The following BRD3 variants were observed in gnomAD, a reference collection of about 807,000 sequenced individuals.
The protein encoded by BRD3 is bromodomain-containing protein 3.
BRD3 carries 17 observed loss-of-function variants against 66.8 expected under a neutral mutation model. The ratio of observed to expected loss-of-function variants is 0.25; its 90% CI spans 0.17 to 0.38. The LOEUF (loss-of-function observed/expected upper bound fraction) is 0.38. BRD3 is among the 10% of genes least tolerant of loss of function. The pLI is 1.00. For missense variants in BRD3, 713 were observed against 956.1 expected (o/e 0.75, Z 3.35); for synonymous variants, 421 against 393.2 (o/e 1.07, Z -0.84).
In BRD3 at chr9:134,068,014, C is replaced by G. The variant is rs1830710088; in HGVS notation, c.-183G>C. 6.9e-6 allele frequency: 1 copy of G among 144,616 alleles called. No homozygotes were observed. Among genetic ancestry groups the G allele is most frequent in the Non-Finnish European group, 1.5e-5 (1 of 65,024 alleles). 9.0% of individuals were successfully genotyped at this position (144,616 alleles called of 1,614,324 possible). A position where few individuals can be genotyped will look rare whatever the true frequency, so the allele number is the denominator to read the frequency against. ...CCGGCTCCTCTTTGGCTCGCCGGCCCCGGCAGCATAATAGACGCGCCGGAG... is the reference window on the plus strand; with the variant it reads ...CCGGCTCCTCTTTGGCTCGCCGGCCGCGGCAGCATAATAGACGCGCCGGAG... On this transcript the variant is annotated 5_prime_UTR_variant, in exon 1 of 12. Transcript: ENST00000303407.
chr9:134,034,573 G>A lies in BRD3; in HGVS notation c.2065+128C>T, dbSNP rs534720611. The A allele has an allele frequency of 1.4e-4, 181 of 1,324,568 alleles. 1 individual carries two copies. In the African/African-American group the frequency reaches 2.0e-3, roughly 15 times the overall value. The allele number at this position is 1,324,568 out of a possible 1,614,324, so 82.1% of individuals were successfully genotyped here. A position where few individuals can be genotyped will look rare whatever the true frequency, so the allele number is the denominator to read the frequency against. ...GGAGGTTTCAGGAGCTCAAGAGCTC[G>A]TCTAAGAACATGGAGCTCATCAGGA... is the stretch of plus-strand genomic sequence containing the variant. On this transcript the variant is annotated intron_variant, in intron 11 of 11. Transcript: ENST00000303407.
chr9:134,060,878 G>A (rs1413009170), intron 1 of BRD3, among the ~76,000 whole-genome samples: 2 of 152,180 alleles, frequency 1.3e-5, no homozygotes, highest in Admixed American at 6.5e-5. Flanking sequence ...AAGGTCCCTG[G>A]ACTCTGCCTT....
chr9:134,036,629 G>A lies in BRD3; in HGVS notation c.1644-305C>T, dbSNP rs762725959. ...AATCCAAAAGAAGGCAAAAAAGGGG[G>A]AACAAAGGAACAGAAAACACAGAGG... On this transcript the variant is annotated intron_variant, in intron 9 of 11. Transcript: ENST00000303407. 19 of 1,423,378 alleles carry A rather than the reference G, an allele frequency of 1.3e-5. No homozygotes were observed. In the South Asian group the frequency reaches 1.6e-4, roughly 12 times the overall value. 88.2% of individuals were successfully genotyped at this position (1,423,378 alleles called of 1,614,324 possible). A position where few individuals can be genotyped will look rare whatever the true frequency, so the allele number is the denominator to read the frequency against.
chr9:134,033,357 AT>A lies in BRD3; in HGVS notation c.*232del. 2.2e-6 allele frequency: 1 copy of A among 450,176 alleles called. No individual in the cohort carries two copies. Among genetic ancestry groups the A allele is most frequent in the Non-Finnish European group, 3.9e-6 (1 of 255,328 alleles). 27.9% of individuals were successfully genotyped at this position (450,176 alleles called of 1,614,324 possible). Reference sequence around the variant, plus strand: ...GAAGTTGTCATCTCCAAGTGACTGAATTCAGTGATGAAGAAGAGACTTTCTG... The same window carrying A: ...GAAGTTGTCATCTCCAAGTGACTGAATCAGTGATGAAGAAGAGACTTTCTG... On this transcript the variant is annotated 3_prime_UTR_variant, in exon 12 of 12. Transcript: ENST00000303407. The surrounding 1 kb of genome is among the most constrained non-coding windows in gnomAD (Gnocchi z 5.1).
At chr9:134,049,415 G>A (rs1830244751) in intron 5 of BRD3, among the ~76,000 whole-genome samples, 1 of 152,218 alleles carries the variant, frequency 6.6e-6, no homozygotes, top group African/African-American at 2.4e-5. Flanking sequence ...CACAGTCACT[G>A]CCCAGCCAAG....
At chr9:134,064,012 G>C (rs1830595365) in intron 1 of BRD3, among the ~76,000 whole-genome samples, 1 of 152,216 alleles carries the variant, frequency 6.6e-6, no homozygotes, top group Non-Finnish European at 1.5e-5. Flanking sequence ...CCAACACCAG[G>C]CTCCGAAGGC....
intron 5 of BRD3, 152 bp downstream of exon 5, chr9:134,050,222 C>T (rs754662301): frequency 1.5e-4 from 106 of 699,162 alleles, no homozygotes; most frequent in Non-Finnish European, 2.4e-4. Flanking sequence ...GTGTCAGTAA[C>T]AACGGCCTGA....
intron 1 of BRD3, among the ~76,000 whole-genome samples, chr9:134,067,563 C>A (rs1830692102): frequency 6.8e-6 from 1 of 147,758 alleles, no homozygotes; most frequent in South Asian, 2.1e-4. Flanking sequence ...GGAAAAAAAT[C>A]CCTTCCGTGA....
At chr9:134,064,899 C>CA (rs1218784565) in intron 1 of BRD3, among the ~76,000 whole-genome samples, 3 of 152,244 alleles carry the variant, frequency 2.0e-5, no homozygotes, top group Non-Finnish European at 4.4e-5. Flanking sequence ...CCAACAAAAA[C>CA]ACAGGAGCAA....
chr9:134,051,438 C>A, intron 4 of BRD3, 124 bp downstream of exon 4: 1 of 1,047,064 alleles, frequency 9.6e-7, no homozygotes, highest in Non-Finnish European at 1.3e-6. Context: ...CAAGACCCGG[C>A]ACCCACGAGC....
At chr9:134,052,219 G>C in intron 3 of BRD3, 87 bp downstream of exon 3, 3 of 1,529,386 alleles carry the variant, frequency 2.0e-6, no homozygotes, top group Non-Finnish European at 2.6e-6. Context: ...GCCTGCCCAA[G>C]AGCTGCTGCA....
chr9:134,062,699 C>T (rs1448186750), intron 1 of BRD3, among the ~76,000 whole-genome samples: 3 of 152,180 alleles, frequency 2.0e-5, no homozygotes, highest in East Asian at 1.9e-4. Flanking sequence ...TGAGGAGGCC[C>T]GACCCTCCAC....
At chr9:134,063,551 G>A (rs763243164) in intron 1 of BRD3, among the ~76,000 whole-genome samples, 23 of 152,216 alleles carry the variant, frequency 1.5e-4, no homozygotes, top group Non-Finnish European at 2.5e-4. Context: ...CCACATGACA[G>A]GTTATAGCTA....
In BRD3 at chr9:134,033,802, T is replaced by C. The variant is rs945961929; in HGVS notation, c.2066-97A>G. On this transcript the variant is annotated intron_variant, in intron 11 of 11. Coordinates refer to ENST00000303407, the MANE Select transcript of BRD3 (RefSeq NM_007371.4). This position sits in a 1 kb window ranked among gnomAD's most constrained non-coding sequence, Gnocchi z 5.1. ...GCCAGCGTGACACCATCACACTGGG[T>C]GCCACGACCCACCCACTTCCTGACC... The C allele has an allele frequency of 6.5e-6, 4 of 616,416 alleles. No individual in the cohort carries two copies. Among genetic ancestry groups the C allele is most frequent in the Admixed American group, 2.6e-5 (1 of 38,550 alleles). 38.2% of individuals were successfully genotyped at this position (616,416 alleles called of 1,614,324 possible). A position where few individuals can be genotyped will look rare whatever the true frequency, so the allele number is the denominator to read the frequency against.
chr9:134,059,633 A>G (rs1830496858), intron 1 of BRD3, among the ~76,000 whole-genome samples: 1 of 152,216 alleles, frequency 6.6e-6, no homozygotes, highest in South Asian at 2.1e-4. Context: ...CCCACACCAC[A>G]GGGACCCTGG....
Position 134,040,208 on chromosome 9 carries a change from T to C in BRD3, c.1469A>G (p.Lys490Arg). ...CTCCTTCTCCTTCTTCTCCTTCTTC[T>C]TCTTTGGTTTGTTTACTGGGGCCTG... is the stretch of plus-strand genomic sequence containing the variant. Reference protein sequence around the residue: ...LSQAPVNKPKKKKEKKEKEKK... With the variant: ...LSQAPVNKPKRKKEKKEKEKK... Residue 490 changes from lysine to arginine, a missense_variant, in exon 9 of 12, where the codon AAG (lysine) becomes AGG (arginine). Lys to Arg is a conservative substitution (Grantham distance 26). Transcript: ENST00000303407. 6.3e-7 allele frequency: 1 copy of C among 1,584,382 alleles called. No homozygotes were observed. Among genetic ancestry groups the C allele is most frequent in the Non-Finnish European group, 8.6e-7 (1 of 1,165,494 alleles).
chr9:134,053,352 C>G lies in BRD3; in HGVS notation c.126G>C (p.Met42Ile). The G allele has an allele frequency of 5.0e-6, 8 of 1,613,034 alleles. No homozygotes were observed. The highest frequency in any genetic ancestry group is 6.8e-6 in the Non-Finnish European group (8 of 1,179,836). Residue 42 changes from methionine (M) to isoleucine (I), a missense_variant, in exon 2 of 12, where the codon ATG (methionine) becomes ATC (isoleucine). Met to Ile is a conservative substitution (Grantham distance 10, BLOSUM62 1). This residue lies in a region of BRD3 where 85 missense variants were observed against 152.4 expected (regional missense o/e 0.56). Coordinates refer to ENST00000303407, the MANE Select transcript of BRD3 (RefSeq NM_007371.4). ...AGAGCGTCTTCACCACCACATTCTG[C>G]ATGTACTGCAGCTGGTTGGTCTTGC... ...PGRKTNQLQYMQNVVVKTLWK... is the reference protein window; with the variant it reads ...PGRKTNQLQYIQNVVVKTLWK...
chr9:134,053,349 C>T lies in BRD3; in HGVS notation c.129G>A (p.Gln43=), dbSNP rs1407380675. Residue 43 remains glutamine (Q), a synonymous_variant, in exon 2 of 12, where the codon CAG becomes CAA. Transcript: ENST00000303407. ...GRKTNQLQYM[Q]NVVVKTLWKH... ...TCCAGAGCGTCTTCACCACCACATT[C>T]TGCATGTACTGCAGCTGGTTGGTCT... is the stretch of plus-strand genomic sequence containing the variant. The T allele has an allele frequency of 6.2e-7, 1 of 1,613,492 alleles. No individual in the cohort carries two copies. Among genetic ancestry groups the T allele is most frequent in the South Asian group, 1.1e-5 (1 of 91,082 alleles).
At chr9:134,053,156 C>A in intron 2 of BRD3, 109 bp downstream of exon 2, 2 of 1,254,002 alleles carry the variant, frequency 1.6e-6, no homozygotes, top group Non-Finnish European at 1.1e-6. Context: ...CCCAGCTTAG[C>A]AGCAAATTCC....
Sources: gnomAD v4.1 joint callset for allele counts (sites outside exome capture counted in the v4.1 genomes callset) on GRCh38, gnomAD v4.1.1 for gene constraint, gnomAD v4.1.1 regional missense constraint, Gnocchi (gnomAD v3.1) non-coding constraint, MANE v1.5 for transcripts, NCBI Gene and HGNC (gene_info 2026-07-23, HGNC 2026-07-21) for gene names.